MPPED2: variants seen among roughly 807,000 people sequenced by gnomAD.
MPPED2 encodes the protein metallophosphoesterase domain containing 2.
A neutral mutation model predicts 33.0 loss-of-function variants in MPPED2; 5 were observed. That is an observed-to-expected ratio of 0.15 (90% CI 0.08 to 0.32). MPPED2 has a LOEUF of 0.32. Among genes scored for constraint, MPPED2 ranks in the 10% least tolerant of loss-of-function variants. The pLI is 1.00. For synonymous variants in MPPED2, 136 were observed against 141.9 expected (o/e 0.96, Z 0.29); for missense variants, 275 against 372.1 (o/e 0.74, Z 2.15).
intron 4 of MPPED2, among the ~76,000 whole-genome samples, chr11:30,434,757 T>G (rs1170587738): frequency 6.6e-6 from 1 of 152,204 alleles, no homozygotes; most frequent in Non-Finnish European, 1.5e-5. Context: ...TCCGTTTTGT[T>G]GCTATTCACC....
chr11:30,476,668 G>A (rs1167435865), intron 4 of MPPED2, among the ~76,000 whole-genome samples: 1 of 152,020 alleles, frequency 6.6e-6, no homozygotes, highest in East Asian at 1.9e-4. Context: ...CCTGAAATCA[G>A]ATAGTACAGT....
intron 3 of MPPED2, among the ~76,000 whole-genome samples, chr11:30,500,458 T>C (rs924165310): frequency 1.3e-5 from 2 of 152,220 alleles, no homozygotes; most frequent in Admixed American, 6.5e-5. Flanking sequence ...ATTTTAAAAC[T>C]ATTACAATTT....
intron 3 of MPPED2, among the ~76,000 whole-genome samples, chr11:30,524,721 T>C (rs1259844891): frequency 6.6e-6 from 1 of 152,096 alleles, no homozygotes; most frequent in African/African-American, 2.4e-5. Context: ...GGAAGTGAAA[T>C]GAATAAAATG....
rs1247214022 is a variant in MPPED2, at chr11:30,480,134, G to A, written c.536+15162C>T. Among the ~76,000 whole-genome samples the A allele has an allele frequency of 2.6e-5, 4 of 152,214 alleles. No homozygotes were observed. The East Asian group carries it at 7.7e-4, about 29-fold the overall frequency. On this transcript the variant is annotated intron_variant, in intron 4 of 6. Transcript: ENST00000358117. ...CGCCTAATGAAGCTTCTCGTGTTTG[G>A]GGTGAAAGAGCCACAAAGCCTTTCA...
rs1015925842 is a variant in MPPED2, at chr11:30,525,004, T to C, written c.310+10990A>G. Among the ~76,000 whole-genome samples the C allele has an allele frequency of 2.6e-5, 4 of 152,158 alleles. No individual in the cohort carries two copies. In the East Asian group the frequency reaches 5.8e-4, roughly 22 times the overall value. Reference sequence around the variant, plus strand: ...ATTAGAATAATCTCCTAGGTTTTGATAGGCAGACTTACCCTATGATGAGAA... The same window carrying C: ...ATTAGAATAATCTCCTAGGTTTTGACAGGCAGACTTACCCTATGATGAGAA... On this transcript the variant is annotated intron_variant, in intron 3 of 6. Coordinates refer to ENST00000358117, the MANE Select transcript of MPPED2 (RefSeq NM_001584.3).
intron 2 of MPPED2, among the ~76,000 whole-genome samples, chr11:30,558,953 T>C (rs1172912063): frequency 6.6e-6 from 1 of 152,098 alleles, no homozygotes; most frequent in East Asian, 1.9e-4. Flanking sequence ...TCATTTGAAG[T>C]GGGATAAGCA....
At chr11:30,447,127 T>C (rs1038239759) in intron 4 of MPPED2, among the ~76,000 whole-genome samples, 3 of 152,228 alleles carry the variant, frequency 2.0e-5, no homozygotes, top group African/African-American at 7.2e-5. Context: ...AGGCGGCTGT[T>C]TGTCAGGTGG....
At chr11:30,570,557 T>C (rs1417245908) in intron 2 of MPPED2, among the ~76,000 whole-genome samples, 5 of 152,164 alleles carry the variant, frequency 3.3e-5, no homozygotes, top group Non-Finnish European at 7.3e-5. Flanking sequence ...GTGGTTATCT[T>C]TGAAGTCTCC....
At chr11:30,415,174 G>A (rs1948289185) in intron 5 of MPPED2, among the ~76,000 whole-genome samples, 1 of 152,158 alleles carries the variant, frequency 6.6e-6, no homozygotes, top group Admixed American at 6.5e-5. Flanking sequence ...AAATAACTGG[G>A]CAGTAAGGAA....
intron 4 of MPPED2, among the ~76,000 whole-genome samples, chr11:30,448,752 G>A (rs1002892766): frequency 2.7e-5 from 4 of 149,690 alleles, no homozygotes; most frequent in African/African-American, 7.4e-5. Context: ...TTGGCTCACC[G>A]CAACCTCCGC....
intron 2 of MPPED2, among the ~76,000 whole-genome samples, chr11:30,555,483 C>G (rs918489380): frequency 6.6e-6 from 1 of 152,146 alleles, no homozygotes; most frequent in Non-Finnish European, 1.5e-5. Flanking sequence ...CATCTTTAAT[C>G]GTAGCTCCCA....
At chr11:30,500,682 A>G (rs560629399) in intron 3 of MPPED2, among the ~76,000 whole-genome samples, 3 of 152,304 alleles carry the variant, frequency 2.0e-5, no homozygotes, top group African/African-American at 7.2e-5. Context: ...CACGTTCACT[A>G]TTATTACTCC....
At chr11:30,456,925 T>C (rs1443864409) in intron 4 of MPPED2, among the ~76,000 whole-genome samples, 1 of 152,166 alleles carries the variant, frequency 6.6e-6, no homozygotes, top group Non-Finnish European at 1.5e-5. Context: ...GAATGACAAA[T>C]ACTTCACAAT....
At chr11:30,455,804 C>A (rs531796963) in intron 4 of MPPED2, among the ~76,000 whole-genome samples, 1 of 152,336 alleles carries the variant, frequency 6.6e-6, no homozygotes, top group African/African-American at 2.4e-5. Flanking sequence ...AAAGAGCCCT[C>A]ACCTGGGTAG....
chr11:30,452,152 G>C (rs1456764110), intron 4 of MPPED2: 1 of 932,590 alleles, frequency 1.1e-6, no homozygotes, highest in Non-Finnish European at 1.3e-6. Flanking sequence ...GCTTCTCACT[G>C]CCTAAGACTA....
chr11:30,461,677 G>GA (rs1428888514), intron 4 of MPPED2, among the ~76,000 whole-genome samples: 1 of 151,784 alleles, frequency 6.6e-6, no homozygotes, highest in Admixed American at 6.6e-5. Context: ...GGCATATGAT[G>GA]AAAAAAAAGA....
chr11:30,483,171 T>C (rs1244437047), intron 4 of MPPED2, among the ~76,000 whole-genome samples: 2 of 152,082 alleles, frequency 1.3e-5, no homozygotes, highest in Non-Finnish European at 2.9e-5. Flanking sequence ...CACATTTGGG[T>C]TTTCCATTTT....
At chr11:30,563,928 G>C (rs1443068033) in intron 2 of MPPED2, among the ~76,000 whole-genome samples, 1 of 152,196 alleles carries the variant, frequency 6.6e-6, no homozygotes, top group African/African-American at 2.4e-5. Flanking sequence ...GAAATTGATG[G>C]ATTTAAGTCA....
chr11:30,559,360 T>C (rs1004699115), intron 2 of MPPED2, among the ~76,000 whole-genome samples: 36 of 152,320 alleles, frequency 2.4e-4, no homozygotes, highest in Middle Eastern at 3.4e-3. Flanking sequence ...ATATTTAAAT[T>C]CTTATGACTT....
Sources: allele counts gnomAD v4.1 joint callset (sites outside exome capture counted in the v4.1 genomes callset), GRCh38; gene constraint gnomAD v4.1.1; transcripts MANE v1.5; gene names NCBI Gene and HGNC (gene_info 2026-07-23, HGNC 2026-07-21).